The following ITSN1 variants were observed in gnomAD, a reference collection of about 807,000 sequenced individuals.
ITSN1 encodes the protein intersectin-1.
In ITSN1, 58 loss-of-function variants were observed where a neutral mutation model predicts 239.8. That is an observed-to-expected ratio of 0.24 (90% CI 0.20 to 0.30). The LOEUF is 0.30. Ranked by LOEUF, ITSN1 falls within the 10% of genes least tolerant of loss-of-function variation. The pLI is 1.00. For synonymous variants in ITSN1, 780 were observed against 770.8 expected, an observed-to-expected ratio of 1.01 and a Z score of -0.20; for missense variants, 1,558 against 2,103.3, an observed-to-expected ratio of 0.74 and a Z score of 5.07.
intron 27 of ITSN1, among the ~76,000 whole-genome samples, chr21:33,832,158 T>C (rs2074332675): frequency 6.6e-6 from 1 of 152,072 alleles, no homozygotes; most frequent in African/African-American, 2.4e-5. Flanking sequence ...CACCCCCTGC[T>C]CTCCTGCCTT....
At chr21:33,869,546 T>C (rs1982351417) in intron 33 of ITSN1, among the ~76,000 whole-genome samples, 1 of 152,210 alleles carries the variant, frequency 6.6e-6, no homozygotes, top group African/African-American at 2.4e-5. Context: ...TATTAGATGA[T>C]TGTTCTTCTC....
At chr21:33,867,104 C>T (rs1256259803) in intron 32 of ITSN1, 129 bp from the exon 33 acceptor site, 1 of 637,626 alleles carries the variant, frequency 1.6e-6, no homozygotes, top group Non-Finnish European at 2.8e-6. Context: ...CCTTCCAACC[C>T]CAGGTCTCTC....
intron 5 of ITSN1, among the ~76,000 whole-genome samples, chr21:33,741,376 A>G (rs2066837678): frequency 6.6e-6 from 1 of 152,218 alleles, no homozygotes; most frequent in Admixed American, 6.5e-5. Flanking sequence ...AAATTTTGGA[A>G]TTCTAAAACT....
chr21:33,733,912 T>A (rs906846959), intron 4 of ITSN1, among the ~76,000 whole-genome samples: 6 of 152,228 alleles, frequency 3.9e-5, no homozygotes, highest in Non-Finnish European at 7.3e-5. Flanking sequence ...GAGATTTTTT[T>A]ATCTTTGTCT....
Position 33,753,630 on chromosome 21 carries a change from C to T in ITSN1, c.624-1667C>T, listed in dbSNP as rs968981335. ...ACAAAAAATTAGCTGGGCGTGGTGG[C>T]GGGCACCTGTAATCCCAGCTACTCG... On this transcript the variant is annotated intron_variant, in intron 7 of 39. Coordinates refer to ENST00000381318, the MANE Select transcript of ITSN1 (RefSeq NM_003024.3). 3.3e-5 allele frequency among the ~76,000 whole-genome samples: 5 copies of T among 151,748 alleles called. No homozygotes were observed. The East Asian group carries it at 7.8e-4, about 24-fold the overall frequency.
At chr21:33,715,532 A>G (rs542278970) in intron 1 of ITSN1, among the ~76,000 whole-genome samples, 2 of 152,364 alleles carry the variant, frequency 1.3e-5, no homozygotes, top group African/African-American at 4.8e-5. Context: ...TATGAGGACT[A>G]AGTGAGATAA....
At chr21:33,866,528 G>C (rs1349033593) in intron 32 of ITSN1, among the ~76,000 whole-genome samples, 2 of 152,124 alleles carry the variant, frequency 1.3e-5, no homozygotes, top group East Asian at 3.9e-4. Context: ...CCTCCTCTCA[G>C]TGGGAATGTG....
chr21:33,658,323 G>A (rs922025776), intron 1 of ITSN1, among the ~76,000 whole-genome samples: 1 of 151,914 alleles, frequency 6.6e-6, no homozygotes, highest in Admixed American at 6.6e-5. Flanking sequence ...GAATATGAGT[G>A]GACCCACACA....
At chr21:33,804,284 G>A (rs2072236392) in intron 20 of ITSN1, among the ~76,000 whole-genome samples, 1 of 152,064 alleles carries the variant, frequency 6.6e-6, no homozygotes, top group African/African-American at 2.4e-5. Flanking sequence ...GAAAAACTTA[G>A]CCTGGTTTTA....
chr21:33,836,903 G>A (rs1358347053), intron 29 of ITSN1: 4 of 1,066,466 alleles, frequency 3.8e-6, no homozygotes, highest in Non-Finnish European at 5.6e-6. Context: ...GCACCATGCT[G>A]TTTACATGCC....
chr21:33,847,877 A>G (rs540006173), intron 29 of ITSN1, among the ~76,000 whole-genome samples: 1 of 152,162 alleles, frequency 6.6e-6, no homozygotes, highest in Non-Finnish European at 1.5e-5. Flanking sequence ...CTGGCTGTAC[A>G]TGGGAACCAC....
In ITSN1 at chr21:33,899,248, C is replaced by G. The variant is rs1312995491; in HGVS notation, c.*10948C>G. 1.3e-5 allele frequency: 2 copies of G among 152,208 alleles called. No individual in the cohort carries two copies. Among genetic ancestry groups the G allele is most frequent in the African/African-American group, 4.8e-5 (2 of 41,442 alleles). 9.4% of individuals were successfully genotyped at this position (152,208 alleles called of 1,614,324 possible). ...AGTGCTAGCGAACCCTCCCAGATAG[C>G]CTTTGCCTGTTTGGAAAAGAATGTA... On this transcript the variant is annotated 3_prime_UTR_variant, in exon 40 of 40. Coordinates refer to ENST00000381318, the MANE Select transcript of ITSN1 (RefSeq NM_003024.3).
At position 33,750,297 on chromosome 21, in the gene ITSN1, A is replaced by C. The variant is rs765244876; in HGVS notation, c.501A>C (p.Gln167His). 3.7e-6 allele frequency: 6 copies of C among 1,613,252 alleles called. No individual in the cohort carries two copies. The highest frequency in any genetic ancestry group is 5.1e-6 in the Non-Finnish European group (6 of 1,180,016). Reference sequence around the variant, plus strand: ...CTAACGGGGCTCCCCCTGTTATACAACCTCTGCCTGCATTTGCTCATCCTG... The same window carrying C: ...CTAACGGGGCTCCCCCTGTTATACACCCTCTGCCTGCATTTGCTCATCCTG... ...PLANGAPPVIQPLPAFAHPAA... is the reference protein window; with the variant it reads ...PLANGAPPVIHPLPAFAHPAA... The change falls in exon 6 of 40, where the codon CAA (glutamine) becomes CAC (histidine). Residue 167 changes from glutamine to histidine, a missense_variant. By Grantham distance (24) the Gln-to-His change is conservative. Transcript: ENST00000381318.
At position 33,885,024 on chromosome 21, in the gene ITSN1, G is replaced by A; in HGVS notation, c.4677-17G>A. 6.2e-7 allele frequency: 1 copy of A among 1,609,266 alleles called. No individual in the cohort carries two copies. The highest frequency in any genetic ancestry group is 8.5e-7 in the Non-Finnish European group (1 of 1,175,716). ...CTGAGTTTCTGTTTGGCAACTTTCT[G>A]TCTTTTTCTGTCCAAGGACTGCCTG... On this transcript the variant is annotated splice_polypyrimidine_tract_variant and intron_variant, in intron 36 of 39. Transcript: ENST00000381318.
intron 26 of ITSN1, 130 bp from the exon 27 acceptor site, chr21:33,829,494 G>T: frequency 1.1e-6 from 1 of 946,854 alleles, no homozygotes; most frequent in Admixed American, 2.3e-5. Context: ...TTACTCGTTG[G>T]GTAGAAATCC....
Position 33,896,107 on chromosome 21 carries a change from T to C in ITSN1, c.*7807T>C, listed in dbSNP as rs1986768524. ...TGTGGCAAGCTGCGCGGATACACTT[T>C]TCTAAACGTCTGCATTTATTTCCTA... On this transcript the variant is annotated 3_prime_UTR_variant, in exon 40 of 40. Coordinates refer to ENST00000381318, the MANE Select transcript of ITSN1 (RefSeq NM_003024.3). The C allele has an allele frequency of 1.3e-5, 2 of 152,314 alleles. No homozygotes were observed. Among genetic ancestry groups the C allele is most frequent in the Admixed American group, 6.5e-5 (1 of 15,292 alleles). 9.4% of individuals were successfully genotyped at this position (152,314 alleles called of 1,614,324 possible).
At chr21:33,690,073 C>A (rs1162338586) in intron 1 of ITSN1, among the ~76,000 whole-genome samples, 1 of 149,022 alleles carries the variant, frequency 6.7e-6, no homozygotes, top group Admixed American at 6.7e-5. Flanking sequence ...CACTTGAGGT[C>A]AGGAGTTTGA....
chr21:33,793,931 T>A (rs755873379), intron 16 of ITSN1, among the ~76,000 whole-genome samples: 19 of 152,298 alleles, frequency 1.2e-4, no homozygotes, highest in Admixed American at 4.6e-4. Context: ...AGAAGAGGCA[T>A]CTGTATTTTC....
chr21:33,770,509 C>T (rs2069076140), intron 11 of ITSN1, among the ~76,000 whole-genome samples: 1 of 152,176 alleles, frequency 6.6e-6, no homozygotes, highest in Non-Finnish European at 1.5e-5. Flanking sequence ...GCCTTGCAGC[C>T]ACAACCTCTC....
Sources: gnomAD v4.1 joint callset for allele counts (sites outside exome capture counted in the v4.1 genomes callset) on GRCh38, gnomAD v4.1.1 for gene constraint, MANE v1.5 for transcripts, NCBI Gene and HGNC (gene_info 2026-07-23, HGNC 2026-07-21) for gene names.